PRKN: variants seen among roughly 807,000 people sequenced by gnomAD.
PRKN encodes E3 ubiquitin-protein ligase parkin.
PRKN carries 56 observed loss-of-function variants against 59.5 expected under a neutral mutation model. The observed-to-expected ratio is 0.94, with a 90% CI of 0.76 to 1.18. The LOEUF (loss-of-function observed/expected upper bound fraction) is 1.18, where lower values mean the gene tolerates loss of function less well. PRKN is among the 50% of genes most tolerant of loss of function. The pLI is 0.00. For missense variants in PRKN, 657 were observed against 596.4 expected (o/e 1.10, Z -1.06); for synonymous variants, 250 against 222.1 (o/e 1.13, Z -1.12).
intron 2 of PRKN, among the ~76,000 whole-genome samples, chr6:162,298,887 C>T (rs1031137547): frequency 5.3e-5 from 8 of 152,102 alleles, no homozygotes; most frequent in Non-Finnish European, 7.4e-5. Context: ...GGTGCTGCCC[C>T]GCCATGTGCC....
At chr6:162,417,391 C>G (rs1015493913) in intron 2 of PRKN, among the ~76,000 whole-genome samples, 10 of 152,184 alleles carry the variant, frequency 6.6e-5, no homozygotes, top group Admixed American at 1.3e-4. Flanking sequence ...CTGAGGGGAT[C>G]TGCATCCTGC....
At chr6:161,883,656 A>T (rs117669566) in intron 6 of PRKN, among the ~76,000 whole-genome samples, 7,277 of 151,748 alleles carry the variant, frequency 0.048, 185 homozygotes, top group South Asian at 0.1. Flanking sequence ...TTTTATTTTT[A>T]TTTTTTTTAT....
chr6:162,513,430 C>T (rs1237201460), intron 1 of PRKN, among the ~76,000 whole-genome samples: 2 of 151,136 alleles, frequency 1.3e-5, no homozygotes, highest in African/African-American at 4.9e-5. Context: ...AGTGAGCTAA[C>T]ACCACTGCAC....
intron 9 of PRKN, among the ~76,000 whole-genome samples, chr6:161,522,617 G>A (rs1016107757): frequency 7.2e-5 from 11 of 152,226 alleles, no homozygotes; most frequent in African/African-American, 2.4e-4. Flanking sequence ...CAACAGCTTC[G>A]AGAAGTACAT....
chr6:162,644,137 T>C (rs1180592925), intron 1 of PRKN, among the ~76,000 whole-genome samples: 3 of 152,090 alleles, frequency 2.0e-5, no homozygotes, highest in African/African-American at 4.8e-5. Context: ...GATGCACAAG[T>C]TGCCTGGAAT....
chr6:161,970,503 AT>A (rs1299075833), intron 6 of PRKN, among the ~76,000 whole-genome samples: 1 of 151,738 alleles, frequency 6.6e-6, no homozygotes, highest in Non-Finnish European at 1.5e-5. Flanking sequence ...TTAACCAGAA[AT>A]TTTACTAAGC....
chr6:161,850,945 G>A (rs1456722250), intron 6 of PRKN, among the ~76,000 whole-genome samples: 2 of 152,196 alleles, frequency 1.3e-5, no homozygotes, highest in East Asian at 3.9e-4. Flanking sequence ...AGGTAACTGA[G>A]TTTATGCCTT....
Position 161,372,629 on chromosome 6 carries a change from G to A in PRKN, c.1168-12424C>T, listed in dbSNP as rs931342654. Among the ~76,000 whole-genome samples the A allele has an allele frequency of 2.0e-5, 3 of 152,046 alleles. No homozygotes were observed. The highest frequency in any genetic ancestry group is 6.6e-5 in the Admixed American group (1 of 15,262). The stretch of plus-strand genomic sequence containing the variant: ...GCAGAACGGCGGCTCTCAGACCAGC[G>A]GCACCGGAAGCGCTTGTGCTGTGGC... On this transcript the variant is annotated intron_variant, in intron 10 of 11. Coordinates refer to ENST00000366898, the MANE Select transcript of PRKN (RefSeq NM_004562.3). The surrounding 1 kb of genome is among the most constrained non-coding windows in gnomAD (Gnocchi z 4.2).
intron 1 of PRKN, among the ~76,000 whole-genome samples, chr6:162,495,029 G>A (rs1157470636): frequency 2.0e-5 from 3 of 152,104 alleles, no homozygotes; most frequent in Non-Finnish European, 2.9e-5. Context: ...TGTCACTGAA[G>A]GAAAACATCA....
At chr6:161,775,648 C>T (rs993520843) in intron 7 of PRKN, among the ~76,000 whole-genome samples, 2 of 152,088 alleles carry the variant, frequency 1.3e-5, no homozygotes, top group Non-Finnish European at 2.9e-5. Context: ...ACCTAGTTTT[C>T]CAATGTGTTT....
intron 7 of PRKN, among the ~76,000 whole-genome samples, chr6:161,693,407 G>T (rs1785884965): frequency 6.6e-6 from 1 of 152,154 alleles, no homozygotes. Context: ...GGTGATGGTT[G>T]ACTACAGGTG....
At position 161,956,428 on chromosome 6, in the gene PRKN, C is replaced by A. The variant is rs1014193119; in HGVS notation, c.734+16874G>T. The stretch of plus-strand genomic sequence containing the variant: ...TGGGGGAGGAGAGAAAAGTCTGTGC[C>A]TTCTGCCAGTCTCAGTGCAAAATCA... On this transcript the variant is annotated intron_variant, in intron 6 of 11. Transcript: ENST00000366898. 5.3e-5 allele frequency among the ~76,000 whole-genome samples: 8 copies of A among 152,284 alleles called. No homozygotes were observed. The East Asian group carries it at 1.5e-3, about 29-fold the overall frequency.
intron 3 of PRKN, among the ~76,000 whole-genome samples, chr6:162,235,969 G>GAAAGA (rs1583243000): frequency 1.0e-4 from 8 of 76,620 alleles, no homozygotes; most frequent in South Asian, 7.5e-4. Context: ...AAGAAAGAAA[G>GAAAGA]AAAGAAAGAA....
At chr6:162,417,107 G>A (rs866088974) in intron 2 of PRKN, among the ~76,000 whole-genome samples, 1 of 152,148 alleles carries the variant, frequency 6.6e-6, no homozygotes, top group Non-Finnish European at 1.5e-5. Context: ...CAGGGTAAGA[G>A]ATGCAAACAA....
intron 4 of PRKN, among the ~76,000 whole-genome samples, chr6:162,064,458 G>T (rs187919989): frequency 6.6e-6 from 1 of 152,100 alleles, no homozygotes; most frequent in African/African-American, 2.4e-5. Flanking sequence ...TTTCCTCTTA[G>T]CTTTTGGAAA....
chr6:161,634,020 A>ACACG (rs1554285884), intron 7 of PRKN, among the ~76,000 whole-genome samples: 1,942 of 151,898 alleles, frequency 0.013, 40 homozygotes, highest in African/African-American at 0.045. Flanking sequence ...ACACACACAC[A>ACACG]CACACACACA....
At chr6:162,676,673 A>G (rs1779557096) in intron 1 of PRKN, among the ~76,000 whole-genome samples, 1 of 152,220 alleles carries the variant, frequency 6.6e-6, no homozygotes, top group African/African-American at 2.4e-5. Context: ...AGCTTCAACT[A>G]AGGTAAAAAG....
intron 7 of PRKN, among the ~76,000 whole-genome samples, chr6:161,686,170 T>G (rs879829313): frequency 3.3e-5 from 5 of 152,160 alleles, no homozygotes; most frequent in Non-Finnish European, 5.9e-5. Flanking sequence ...TGAGATCAGC[T>G]TTGAAGTTCC....
intron 6 of PRKN, among the ~76,000 whole-genome samples, chr6:161,881,890 G>A (rs963696092): frequency 2.0e-5 from 3 of 152,128 alleles, no homozygotes; most frequent in African/African-American, 7.2e-5. Flanking sequence ...TCTCTTTTCT[G>A]ATGCTGATAG....
Sources: gnomAD v4.1 joint callset for allele counts (sites outside exome capture counted in the v4.1 genomes callset) on GRCh38, gnomAD v4.1.1 for gene constraint, Gnocchi (gnomAD v3.1) non-coding constraint, MANE v1.5 for transcripts, NCBI Gene and HGNC (gene_info 2026-07-23, HGNC 2026-07-21) for gene names.